Variants in SMYD2 observed in about 807,000 individuals in gnomAD.
SMYD2 encodes SET and MYND domain containing 2.
In SMYD2, 53 loss-of-function variants were observed where a neutral mutation model predicts 59.1. The ratio of observed to expected loss-of-function variants is 0.90; its 90% confidence interval spans 0.72 to 1.13. The LOEUF (loss-of-function observed/expected upper bound fraction) is 1.13. Ranked by LOEUF, SMYD2 falls within the 50% of genes most tolerant of loss-of-function variation. The pLI, the probability that SMYD2 is intolerant of heterozygous loss-of-function variation, is 0.00. For synonymous variants in SMYD2, 208 were observed against 198.8 expected (o/e 1.05, Z -0.39); for missense variants, 494 against 544.7 (o/e 0.91, Z 0.93).
chr1:214,297,438 C>T (rs537313550), intron 1 of SMYD2, among the ~76,000 whole-genome samples: 4 of 152,126 alleles, frequency 2.6e-5, no homozygotes, highest in South Asian at 2.1e-4. Flanking sequence ...TTTGTAGGAA[C>T]GGAGTTTGTT....
In SMYD2 at chr1:214,334,299, C is replaced by T. The variant is rs769989087; in HGVS notation, c.1212C>T (p.Ala404=). The T allele has an allele frequency of 1.2e-6, 2 of 1,613,428 alleles. No individual in the cohort carries two copies. Among genetic ancestry groups the T allele is most frequent in the Admixed American group, 3.3e-5 (2 of 60,030 alleles). ...GLEHKAAGEK[A]LKKAIAIMEV... ...AACACAAAGCCGCAGGGGAGAAAGC[C>T]CTGAAGAAGGTATGTCTGTAACTCG... The change falls in exon 11 of 12, where the codon GCC becomes GCT. Residue 404 remains alanine, a synonymous_variant. Transcript: ENST00000366957.
At chr1:214,329,216 C>T (rs1657311291) in intron 7 of SMYD2, among the ~76,000 whole-genome samples, 2 of 152,158 alleles carry the variant, frequency 1.3e-5, no homozygotes, top group South Asian at 4.1e-4. Context: ...AACCCCATTC[C>T]CCAGGGTTTC....
chr1:214,315,979 T>C (rs894321284), intron 3 of SMYD2, among the ~76,000 whole-genome samples: 1 of 152,166 alleles, frequency 6.6e-6, no homozygotes, highest in African/African-American at 2.4e-5. Context: ...TTCTTGCTGA[T>C]TGCATAATAA....
At chr1:214,313,002 T>A (rs11120292) in intron 2 of SMYD2, among the ~76,000 whole-genome samples, 1 of 152,206 alleles carries the variant, frequency 6.6e-6, no homozygotes, top group Admixed American at 6.5e-5. Flanking sequence ...AGAAAGGTTG[T>A]GGAGCTAAGA....
chr1:214,324,517 G>A (rs1383908394), intron 5 of SMYD2, 124 bp from the exon 6 acceptor site: 2 of 803,538 alleles, frequency 2.5e-6, no homozygotes, highest in African/African-American at 3.5e-5. Context: ...CAAAAGAAAG[G>A]GTTTAAAACC....
chr1:214,287,586 C>CAAAAAAAA (rs36187427), intron 1 of SMYD2, among the ~76,000 whole-genome samples: 4 of 75,530 alleles, frequency 5.3e-5, no homozygotes, highest in Non-Finnish European at 9.5e-5. Flanking sequence ...GACTATGTCT[C>CAAAAAAAA]AAAAAAAAAA....
At chr1:214,288,155 C>T (rs921389999) in intron 1 of SMYD2, among the ~76,000 whole-genome samples, 1 of 152,196 alleles carries the variant, frequency 6.6e-6, no homozygotes, top group Non-Finnish European at 1.5e-5. Context: ...TGCACAGAAT[C>T]CTCTCAATCA....
At chr1:214,315,547 A>G (rs774658140) in intron 3 of SMYD2, among the ~76,000 whole-genome samples, 1 of 152,202 alleles carries the variant, frequency 6.6e-6, no homozygotes, top group Admixed American at 6.5e-5. Flanking sequence ...GACTATGCAA[A>G]CTTACGCTCA....
At chr1:214,334,362 G>A (rs150016615) in intron 11 of SMYD2, 54 bp downstream of exon 11, 165 of 1,483,212 alleles carry the variant, frequency 1.1e-4, no homozygotes, top group Admixed American at 2.3e-4. Flanking sequence ...CCTCCTTAGC[G>A]CACCTCCTTC....
At chr1:214,293,011 TTGTG>T (rs58012666) in intron 1 of SMYD2, among the ~76,000 whole-genome samples, 4,687 of 137,268 alleles carry the variant, frequency 0.034, 119 homozygotes, top group Middle Eastern at 0.083. Context: ...CTTTTTCTGT[TTGTG>T]TGTGTGTGTG....
chr1:214,287,880 C>G (rs1656576737), intron 1 of SMYD2, among the ~76,000 whole-genome samples: 1 of 152,184 alleles, frequency 6.6e-6, no homozygotes. Flanking sequence ...ATCAGGGTTC[C>G]TTCTGCCTTT....
chr1:214,305,716 G>C (rs1052480243), intron 2 of SMYD2, among the ~76,000 whole-genome samples: 19 of 36,258 alleles, frequency 5.2e-4, no homozygotes, highest in African/African-American at 1.4e-3. Flanking sequence ...ATAGCCAGAG[G>C]GGGGGCTATT....
chr1:214,295,698 G>T (rs1036635710), intron 1 of SMYD2, among the ~76,000 whole-genome samples: 4 of 152,226 alleles, frequency 2.6e-5, no homozygotes, highest in Admixed American at 2.6e-4. Flanking sequence ...CCCGCTGCAC[G>T]TGGGTCCCGT....
chr1:214,327,365 T>C lies in SMYD2; in HGVS notation c.603-257T>C, dbSNP rs544230752. 1.2e-4 allele frequency: 46 copies of C among 396,134 alleles called. 1 individual carries two copies. In the South Asian group the frequency reaches 1.2e-3, roughly 10 times the overall value. The allele number at this position is 396,134 out of a possible 1,614,324, so 24.5% of individuals were successfully genotyped here. Reference sequence around the variant, plus strand: ...TTTGTGGCATTTGTTGTTTTTGCTGTTGTGTGTTTTTTGGTTTTGGCTTAG... The same window carrying C: ...TTTGTGGCATTTGTTGTTTTTGCTGCTGTGTGTTTTTTGGTTTTGGCTTAG... On this transcript the variant is annotated intron_variant, in intron 6 of 11. Coordinates refer to ENST00000366957, the MANE Select transcript of SMYD2 (RefSeq NM_020197.3).
Position 214,336,845 on chromosome 1 carries a change from A to G in SMYD2, c.*61A>G. On this transcript the variant is annotated 3_prime_UTR_variant, in exon 12 of 12. Coordinates refer to ENST00000366957, the MANE Select transcript of SMYD2 (RefSeq NM_020197.3). ...AGTTCAGAAACCTTAAAGGATTTGA[A>G]TATTTCAAATTGCACACGTCACTCC... 4.2e-6 allele frequency: 6 copies of G among 1,441,572 alleles called. No homozygotes were observed. Among genetic ancestry groups the G allele is most frequent in the South Asian group, 1.2e-5 (1 of 83,754 alleles). 89.3% of individuals were successfully genotyped at this position (1,441,572 alleles called of 1,614,324 possible).
intron 1 of SMYD2, among the ~76,000 whole-genome samples, chr1:214,296,586 C>T (rs952324155): frequency 2.0e-5 from 3 of 152,164 alleles, no homozygotes; most frequent in African/African-American, 7.2e-5. Context: ...TAGTACCCAG[C>T]ATTTATTGAA....
intron 5 of SMYD2, among the ~76,000 whole-genome samples, chr1:214,323,878 A>G (rs1286066929): frequency 2.0e-5 from 3 of 152,184 alleles, no homozygotes; most frequent in Non-Finnish European, 4.4e-5. Context: ...GTTAGATTAG[A>G]TGAATAAGGG....
Position 214,336,845 on chromosome 1 carries a change from AT to A in SMYD2, c.*62del. The A allele has an allele frequency of 1.4e-6, 2 of 1,441,552 alleles. No individual in the cohort carries two copies. The highest frequency in any genetic ancestry group is 1.4e-5 in the African/African-American group (1 of 70,772). 89.3% of individuals were successfully genotyped at this position (1,441,552 alleles called of 1,614,324 possible). A position where few individuals can be genotyped will look rare whatever the true frequency, so the allele number is the denominator to read the frequency against. On this transcript the variant is annotated 3_prime_UTR_variant, in exon 12 of 12. Coordinates refer to ENST00000366957, the MANE Select transcript of SMYD2 (RefSeq NM_020197.3). ...AGTTCAGAAACCTTAAAGGATTTGA[AT>A]ATTTCAAATTGCACACGTCACTCCA...
chr1:214,298,021 A>G (rs976227667), intron 1 of SMYD2, among the ~76,000 whole-genome samples: 1 of 152,220 alleles, frequency 6.6e-6, no homozygotes, highest in African/African-American at 2.4e-5. Context: ...CCAAACTACC[A>G]AAGTCATTTT....
Sources: allele counts gnomAD v4.1 joint callset (sites outside exome capture counted in the v4.1 genomes callset), GRCh38; gene constraint gnomAD v4.1.1; transcripts MANE v1.5; gene names NCBI Gene and HGNC (gene_info 2026-07-23, HGNC 2026-07-21).